Variants in SLC24A3 observed in about 807,000 individuals in gnomAD.
SLC24A3 encodes the protein solute carrier family 24 member 3, also known as sodium/potassium/calcium exchanger 3.
SLC24A3 carries 28 observed loss-of-function variants against 75.8 expected under a neutral mutation model. The ratio of observed to expected loss-of-function variants is 0.37; its 90% CI spans 0.27 to 0.51. The LOEUF (loss-of-function observed/expected upper bound fraction) is 0.51. Ranked by LOEUF, SLC24A3 falls within the 20% of genes least tolerant of loss-of-function variation. SLC24A3 has a pLI of 0.94. For missense variants in SLC24A3, 663 were observed against 847.8 expected, an observed-to-expected ratio of 0.78 and a Z score of 2.71; for synonymous variants, 372 against 334.1, an observed-to-expected ratio of 1.11 and a Z score of -1.24.
At chr20:19,239,171 T>C (rs1485674454) in intron 1 of SLC24A3, among the ~76,000 whole-genome samples, 1 of 151,416 alleles carries the variant, frequency 6.6e-6, no homozygotes, top group Non-Finnish European at 1.5e-5. Flanking sequence ...TTTCCAAAAT[T>C]ACTGTGTCTT....
intron 3 of SLC24A3, among the ~76,000 whole-genome samples, chr20:19,522,060 T>C (rs2030108868): frequency 6.6e-6 from 1 of 152,210 alleles, no homozygotes. Flanking sequence ...TCTAACGTGG[T>C]AGCCACTGGC....
At chr20:19,519,018 C>T (rs958029900) in intron 3 of SLC24A3, among the ~76,000 whole-genome samples, 2 of 152,154 alleles carry the variant, frequency 1.3e-5, no homozygotes, top group Non-Finnish European at 2.9e-5. Context: ...AGAGGGGTGT[C>T]CTGCCACCTC....
At position 19,568,435 on chromosome 20, in the gene SLC24A3, G is replaced by A. The variant is rs192461294; in HGVS notation, c.349-11565G>A. Among the ~76,000 whole-genome samples, 7 of 152,328 alleles carry A rather than the reference G, an allele frequency of 4.6e-5. No homozygotes were observed. The East Asian group carries it at 1.3e-3, about 29-fold the overall frequency. On this transcript the variant is annotated intron_variant, in intron 3 of 16. Transcript: ENST00000328041. ...TAGAATATTATTCAGCCTTATAAAG[G>A]AGGGAAATTCTAACACATGCTGCAA...
chr20:19,522,823 A>G (rs535252563), intron 3 of SLC24A3, among the ~76,000 whole-genome samples: 1 of 151,812 alleles, frequency 6.6e-6, no homozygotes, highest in South Asian at 2.1e-4. Flanking sequence ...ATAATCATCT[A>G]TATTTATGGG....
intron 2 of SLC24A3, among the ~76,000 whole-genome samples, chr20:19,500,007 G>A (rs576792812): frequency 7.9e-5 from 12 of 152,202 alleles, no homozygotes; most frequent in South Asian, 4.2e-4. Flanking sequence ...GTTATCCTCC[G>A]CCAGCTGAAG....
chr20:19,483,909 G>A (rs928353023), intron 2 of SLC24A3, among the ~76,000 whole-genome samples: 3 of 152,124 alleles, frequency 2.0e-5, no homozygotes, highest in Admixed American at 2.0e-4. Context: ...AGGTCTGGCT[G>A]GTGTTTAACG....
chr20:19,561,923 G>A (rs2030880140), intron 3 of SLC24A3, among the ~76,000 whole-genome samples: 1 of 152,026 alleles, frequency 6.6e-6, no homozygotes, highest in South Asian at 2.1e-4. Flanking sequence ...TTTACATCTG[G>A]GCAGAGCAAG....
chr20:19,546,389 T>C (rs1568651809), intron 3 of SLC24A3, among the ~76,000 whole-genome samples: 1 of 152,050 alleles, frequency 6.6e-6, no homozygotes, highest in Non-Finnish European at 1.5e-5. Flanking sequence ...GACACCGAAA[T>C]CCTTTCCTTC....
intron 6 of SLC24A3, among the ~76,000 whole-genome samples, chr20:19,638,911 C>G (rs2032033046): frequency 6.6e-6 from 1 of 152,140 alleles, no homozygotes; most frequent in Non-Finnish European, 1.5e-5. Context: ...GTGAGTATTA[C>G]AGCTCATAAA....
At chr20:19,266,213 T>G (rs1983161403) in intron 1 of SLC24A3, among the ~76,000 whole-genome samples, 1 of 152,200 alleles carries the variant, frequency 6.6e-6, no homozygotes, top group Admixed American at 6.5e-5. Flanking sequence ...GAATCATACA[T>G]AGATAACTGC....
chr20:19,537,604 A>T (rs1266661131), intron 3 of SLC24A3, among the ~76,000 whole-genome samples: 1 of 152,180 alleles, frequency 6.6e-6, no homozygotes, highest in African/African-American at 2.4e-5. Context: ...ACTATTCACA[A>T]TAGCAAAGAC....
intron 2 of SLC24A3, among the ~76,000 whole-genome samples, chr20:19,318,965 G>A (rs906205722): frequency 1.3e-5 from 2 of 152,004 alleles, no homozygotes; most frequent in Non-Finnish European, 2.9e-5. Flanking sequence ...CTTGTTACCA[G>A]CATTTTCCAG....
chr20:19,652,337 G>A (rs1023763934), intron 6 of SLC24A3, among the ~76,000 whole-genome samples: 2 of 152,248 alleles, frequency 1.3e-5, no homozygotes, highest in Admixed American at 6.5e-5. Flanking sequence ...TATTTGCCAC[G>A]TTTTAAGCCC....
chr20:19,594,922 G>A (rs866964708), intron 6 of SLC24A3, among the ~76,000 whole-genome samples: 7 of 152,138 alleles, frequency 4.6e-5, no homozygotes, highest in African/African-American at 9.7e-5. Flanking sequence ...GCATAGTGCC[G>A]TGAAAAAATA....
intron 2 of SLC24A3, among the ~76,000 whole-genome samples, chr20:19,425,484 A>G (rs1198013837): frequency 6.6e-6 from 1 of 152,172 alleles, no homozygotes; most frequent in Non-Finnish European, 1.5e-5. Flanking sequence ...TTCACTCATT[A>G]TTAGATTAAG....
At chr20:19,306,489 A>C (rs1024257172) in intron 2 of SLC24A3, among the ~76,000 whole-genome samples, 1 of 152,210 alleles carries the variant, frequency 6.6e-6, no homozygotes, top group African/African-American at 2.4e-5. Context: ...AGAAATTGTG[A>C]TACATATATA....
intron 2 of SLC24A3, chr20:19,284,415 G>A (rs901321197): frequency 2.6e-5 from 4 of 152,766 alleles, no homozygotes; most frequent in African/African-American, 7.2e-5. Context: ...ATCTGCCCTC[G>A]AAAATCTTAA....
rs576979147 is a variant in SLC24A3 at position 19,400,855 on chromosome 20, T to C, written c.272-114633T>C. On this transcript the variant is annotated intron_variant, in intron 2 of 16. Coordinates refer to ENST00000328041, the MANE Select transcript of SLC24A3 (RefSeq NM_020689.4). ...CTGCCCTTTTGTGCCTGATATCTAT[T>C]GTCTTGAAAACTGTTTTATATATTT... Among the ~76,000 whole-genome samples, 5 of 152,346 alleles carry C rather than the reference T, an allele frequency of 3.3e-5. No homozygotes were observed. The East Asian group carries it at 7.7e-4, about 24-fold the overall frequency.
chr20:19,671,804 T>G (rs1047290640), intron 8 of SLC24A3, among the ~76,000 whole-genome samples: 1 of 152,028 alleles, frequency 6.6e-6, no homozygotes, highest in African/African-American at 2.4e-5. Context: ...TGGGGGTCAT[T>G]ATCATGTATT....
Sources: allele counts gnomAD v4.1 joint callset (sites outside exome capture counted in the v4.1 genomes callset), GRCh38; gene constraint gnomAD v4.1.1; transcripts MANE v1.5; gene names NCBI Gene and HGNC (gene_info 2026-07-23, HGNC 2026-07-21).